Variants in RASAL2 observed in about 807,000 individuals in gnomAD.
RASAL2 encodes ras GTPase-activating protein nGAP.
A neutral mutation model predicts 128.9 loss-of-function variants in RASAL2; 58 were observed. The ratio of observed to expected loss-of-function variants is 0.45; its 90% CI spans 0.36 to 0.56. The LOEUF is 0.56. RASAL2 is among the 20% of genes least tolerant of loss of function. The pLI is 0.00. For synonymous variants in RASAL2, 561 were observed against 580.8 expected, an observed-to-expected ratio of 0.97 and a Z score of 0.49; for missense variants, 1,360 against 1,601.6, an observed-to-expected ratio of 0.85 and a Z score of 2.57.
At chr1:178,338,196 C>A (rs1170322895) in intron 3 of RASAL2, among the ~76,000 whole-genome samples, 1 of 151,888 alleles carries the variant, frequency 6.6e-6, no homozygotes, top group Non-Finnish European at 1.5e-5. Context: ...GTGGCATGAT[C>A]TCGGCTCACT....
intron 3 of RASAL2, among the ~76,000 whole-genome samples, chr1:178,361,274 T>C (rs1321146656): frequency 2.0e-5 from 3 of 151,874 alleles, no homozygotes; most frequent in Non-Finnish European, 4.4e-5. Context: ...AATGAGTTGA[T>C]TGTGGTATTT....
chr1:178,413,260 C>T (rs1674532289), intron 4 of RASAL2, among the ~76,000 whole-genome samples: 2 of 152,146 alleles, frequency 1.3e-5, no homozygotes, highest in African/African-American at 2.4e-5. Context: ...ACACCTGGCC[C>T]GTTCTGTTTT....
intron 1 of RASAL2, among the ~76,000 whole-genome samples, chr1:178,097,886 C>A (rs1189517458): frequency 1.3e-5 from 2 of 152,040 alleles, no homozygotes; most frequent in Non-Finnish European, 2.9e-5. Context: ...TGTCATAATA[C>A]GTATACTCAG....
At chr1:178,177,200 T>C (rs73051433) in intron 1 of RASAL2, among the ~76,000 whole-genome samples, 2,052 of 152,310 alleles carry the variant, frequency 0.013, 47 homozygotes, top group African/African-American at 0.046. Flanking sequence ...GTTTGGAGTT[T>C]AATACTTTCG....
At chr1:178,417,096 C>T (rs753907348) in intron 4 of RASAL2, among the ~76,000 whole-genome samples, 1 of 150,668 alleles carries the variant, frequency 6.6e-6, no homozygotes, top group South Asian at 2.1e-4. Context: ...TTCTGATTTT[C>T]TATTTCTTTC....
At chr1:178,409,877 G>A (rs1012819635) in intron 4 of RASAL2, among the ~76,000 whole-genome samples, 3 of 152,212 alleles carry the variant, frequency 2.0e-5, no homozygotes, top group African/African-American at 7.2e-5. Context: ...AGGATGGAGG[G>A]ATAGTAGAAG....
At chr1:178,443,353 A>G in intron 8 of RASAL2, 124 bp downstream of exon 8, 1 of 893,794 alleles carries the variant, frequency 1.1e-6, no homozygotes. Context: ...AACAAGAAGA[A>G]TTAAGAAGAA....
At chr1:178,372,327 G>T (rs773174465) in intron 3 of RASAL2, 19 of 985,188 alleles carry the variant, frequency 1.9e-5, no homozygotes, top group African/African-American at 3.5e-5. Flanking sequence ...TTCTGGGTAC[G>T]GTAGGGCTTG....
At chr1:178,169,634 A>G (rs1274251987) in intron 1 of RASAL2, among the ~76,000 whole-genome samples, 2 of 152,012 alleles carry the variant, frequency 1.3e-5, no homozygotes, top group African/African-American at 4.8e-5. Context: ...AGTACTCTTC[A>G]CAGTTTTCAA....
chr1:178,186,040 T>TA (rs1242354915), intron 1 of RASAL2, among the ~76,000 whole-genome samples: 5 of 152,150 alleles, frequency 3.3e-5, no homozygotes, highest in Non-Finnish European at 1.5e-5. Flanking sequence ...GAAAGTTTAT[T>TA]ATTTATTCAA....
At chr1:178,242,440 TCTCTCTCTCTCTC>T (rs1664545727) in intron 1 of RASAL2, among the ~76,000 whole-genome samples, 1 of 28,474 alleles carries the variant, frequency 3.5e-5, no homozygotes, top group Non-Finnish European at 7.3e-5. Context: ...TCTCTCTCTC[TCTCTCTCTCTCTC>T]TCTCTCTCTC....
At chr1:178,320,966 A>G (rs899277082) in intron 3 of RASAL2, among the ~76,000 whole-genome samples, 10 of 152,214 alleles carry the variant, frequency 6.6e-5, no homozygotes. Context: ...GCACATTCTA[A>G]GTTTTCAGTA....
intron 1 of RASAL2, among the ~76,000 whole-genome samples, chr1:178,277,165 A>C (rs1200928404): frequency 2.0e-5 from 3 of 151,668 alleles, no homozygotes; most frequent in Non-Finnish European, 4.4e-5. Flanking sequence ...AAAAAAAAAA[A>C]AAAAACCAAA....
intron 1 of RASAL2, among the ~76,000 whole-genome samples, chr1:178,147,985 C>T (rs1314949486): frequency 6.6e-6 from 1 of 151,982 alleles, no homozygotes; most frequent in African/African-American, 2.4e-5. Flanking sequence ...GCAGGAGAAT[C>T]GCTTGAACCC....
chr1:178,442,587 T>A, intron 7 of RASAL2, 88 bp from the exon 8 acceptor site: 2 of 1,091,924 alleles, frequency 1.8e-6, no homozygotes, highest in Non-Finnish European at 2.6e-6. Flanking sequence ...CTTAATAGAG[T>A]ACCTAATGAA....
Position 178,313,157 on chromosome 1 carries a change from T to G in RASAL2, c.457+13039T>G, listed in dbSNP as rs1163300011. Among the ~76,000 whole-genome samples the G allele has an allele frequency of 2.0e-5, 3 of 152,162 alleles. No homozygotes were observed. In the East Asian group the frequency reaches 5.8e-4, roughly 29 times the overall value. On this transcript the variant is annotated intron_variant, in intron 3 of 17. Coordinates refer to ENST00000367649, the MANE Select transcript of RASAL2 (RefSeq NM_170692.4). ...CTAAATAACGTACATAGTCATAATA[T>G]TGTTTGCCTTTACCAAAATTATTAT...
rs554582730 is a variant in RASAL2 at position 178,162,289 on chromosome 1, TTA to T, written c.202+67614_202+67615del. Among the ~76,000 whole-genome samples the T allele has an allele frequency of 5.3e-3, 650 of 122,278 alleles. 1 individual carries two copies. The highest frequency in any genetic ancestry group is 0.011 in the African/African-American group (329 of 30,806). 80.2% of individuals were successfully genotyped at this position (122,278 alleles called of 152,430 possible). Reference sequence around the variant, plus strand: ...CTAATTGTTGATTTATAAGATTTCTTTATATATATATATATATATAATGTATT... The same window carrying T: ...CTAATTGTTGATTTATAAGATTTCTTTATATATATATATATATAATGTATT... On this transcript the variant is annotated intron_variant, in intron 1 of 17. Coordinates refer to ENST00000367649, the MANE Select transcript of RASAL2 (RefSeq NM_170692.4).
At chr1:178,134,457 CA>C (rs59410623) in intron 1 of RASAL2, among the ~76,000 whole-genome samples, 22 of 111,510 alleles carry the variant, frequency 2.0e-4, no homozygotes, top group East Asian at 5.3e-4. Context: ...GACCCTATCT[CA>C]AAAAAAAAAA....
chr1:178,180,661 T>TCACACACACACACACACACACACACACA (rs1455344116), intron 1 of RASAL2, among the ~76,000 whole-genome samples: 4 of 6,754 alleles, frequency 5.9e-4, no homozygotes, highest in African/African-American at 1.5e-3. Context: ...AGCGAGACTG[T>TCACACACACACACACACACACACACACA]CTCACACACA....
Sources: allele counts gnomAD v4.1 joint callset (sites outside exome capture counted in the v4.1 genomes callset), GRCh38; gene constraint gnomAD v4.1.1; transcripts MANE v1.5; gene names NCBI Gene and HGNC (gene_info 2026-07-23, HGNC 2026-07-21).